Variants in TDP1 observed in about 807,000 individuals in gnomAD.
TDP1 encodes the protein tyr-DNA phosphodiesterase 1.
In TDP1, 64 loss-of-function variants were observed where a neutral mutation model predicts 81.5. The observed-to-expected ratio is 0.79, with a 90% CI of 0.64 to 0.97. The LOEUF is 0.97. Ranked by LOEUF, TDP1 falls within the 50% of genes least tolerant of loss-of-function variation. The pLI is 0.00. For synonymous variants in TDP1, 256 were observed against 264.3 expected (o/e 0.97, Z 0.30); for missense variants, 723 against 743.8 (o/e 0.97, Z 0.33).
chr14:89,956,421 G>A (rs1167622308), intron 1 of TDP1, 157 bp from the exon 2 acceptor site: 1 of 152,356 alleles, frequency 6.6e-6, no homozygotes, highest in Non-Finnish European at 1.5e-5. Flanking sequence ...TTTACACTTG[G>A]TGAGGCGCTT....
intron 15 of TDP1, chr14:90,022,742 GA>G (rs35438550): frequency 3.0e-6 from 3 of 985,108 alleles, no homozygotes; most frequent in Non-Finnish European, 3.6e-6. Flanking sequence ...GAAGCTTCTG[GA>G]AAAAAAGTAG....
intron 2 of TDP1, among the ~76,000 whole-genome samples, chr14:89,961,276 A>T (rs1276060316): frequency 1.3e-5 from 2 of 152,248 alleles, no homozygotes; most frequent in African/African-American, 2.4e-5. Flanking sequence ...GGTCAGAACC[A>T]GTCTGTGGTT....
chr14:90,031,764 T>G (rs558920399), intron 15 of TDP1, among the ~76,000 whole-genome samples: 1 of 152,286 alleles, frequency 6.6e-6, no homozygotes, highest in South Asian at 2.1e-4. Context: ...TTGCGGATGC[T>G]GTTCCCTCCA....
chr14:89,964,358 C>G (rs1413538228), intron 3 of TDP1, among the ~76,000 whole-genome samples: 1 of 152,240 alleles, frequency 6.6e-6, no homozygotes, highest in Admixed American at 6.5e-5. Flanking sequence ...CCTCACCACT[C>G]ATTTGCTGTA....
chr14:89,969,850 G>A (rs1281987949), intron 5 of TDP1, among the ~76,000 whole-genome samples: 2 of 151,332 alleles, frequency 1.3e-5, no homozygotes, highest in Non-Finnish European at 2.9e-5. Flanking sequence ...GTTGTGTTGG[G>A]AGAGCTTGTA....
Position 89,971,224 on chromosome 14 carries a change from C to T in TDP1, c.709C>T (p.His237Tyr), listed in dbSNP as rs780811626. Residue 237 changes from histidine to tyrosine, a missense_variant, in exon 6 of 17, where the codon CAC becomes TAC. By Grantham distance (83) the His-to-Tyr change is moderately conservative. Coordinates refer to ENST00000335725, the MANE Select transcript of TDP1 (RefSeq NM_018319.4). ...VHGDKREAKAHLHAQAKPYEN... is the reference protein window; with the variant it reads ...VHGDKREAKAYLHAQAKPYEN... ...TGGTGATAAGCGAGAGGCTAAGGCT[C>T]ACCTCCATGCCCAGGCCAAGCCTTA... 2.5e-6 allele frequency: 4 copies of T among 1,614,146 alleles called. No homozygotes were observed. The highest frequency in any genetic ancestry group is 1.1e-5 in the South Asian group (1 of 91,082).
At chr14:89,982,896 A>G (rs904356075) in intron 8 of TDP1, among the ~76,000 whole-genome samples, 4 of 152,186 alleles carry the variant, frequency 2.6e-5, no homozygotes, top group Admixed American at 2.6e-4. Flanking sequence ...TAATTGGTCT[A>G]CTGTGGTTCT....
chr14:90,017,150 C>CTG (rs1885409897), intron 14 of TDP1, among the ~76,000 whole-genome samples: 1 of 152,034 alleles, frequency 6.6e-6, no homozygotes, highest in South Asian at 2.1e-4. Context: ...CAAGAGACCC[C>CTG]TGTGGTGTCG....
intron 14 of TDP1, among the ~76,000 whole-genome samples, chr14:89,997,615 C>A (rs1266035309): frequency 1.3e-5 from 2 of 152,092 alleles, no homozygotes; most frequent in Admixed American, 6.5e-5. Flanking sequence ...TTTGCGACTT[C>A]CAGAGGAGAA....
intron 2 of TDP1, among the ~76,000 whole-genome samples, chr14:89,960,573 C>T (rs1456078073): frequency 5.9e-5 from 9 of 152,174 alleles, no homozygotes; most frequent in Non-Finnish European, 1.5e-5. Context: ...TATGAGGGCT[C>T]AAAAGAGCCA....
chr14:90,013,298 C>T (rs994802072), intron 14 of TDP1, among the ~76,000 whole-genome samples: 4 of 152,082 alleles, frequency 2.6e-5, no homozygotes, highest in African/African-American at 9.7e-5. Flanking sequence ...GTGTCCTCAC[C>T]CAAATGTCAT....
intron 14 of TDP1, among the ~76,000 whole-genome samples, chr14:90,017,503 C>G (rs79832900): frequency 0.055 from 8,323 of 152,254 alleles, 379 homozygotes; most frequent in African/African-American, 0.12. Flanking sequence ...ATCTGAAAGG[C>G]TGTCCTTGTG....
Position 90,036,585 on chromosome 14 carries a change from C to T in TDP1, c.1753+3371C>T, listed in dbSNP as rs1042055088. 2.6e-5 allele frequency among the ~76,000 whole-genome samples: 4 copies of T among 152,112 alleles called. No homozygotes were observed. In the East Asian group the frequency reaches 5.8e-4, roughly 22 times the overall value. ...AAAGCAAAAACTAAGACTCAGCTAC[C>T]AGTATACCCTGCTTGGTGCAGTAGT... On this transcript the variant is annotated intron_variant, in intron 16 of 16. Transcript: ENST00000335725.
intron 15 of TDP1, among the ~76,000 whole-genome samples, chr14:90,028,123 C>A (rs557951941): frequency 9.3e-4 from 141 of 152,368 alleles, no homozygotes; most frequent in Non-Finnish European, 1.6e-3. Flanking sequence ...CTCCACAAAG[C>A]TTTTCCTAAG....
At chr14:90,016,492 A>G (rs1885325424) in intron 14 of TDP1, among the ~76,000 whole-genome samples, 1 of 152,186 alleles carries the variant, frequency 6.6e-6, no homozygotes, top group African/African-American at 2.4e-5. Flanking sequence ...TGTCTTCTGC[A>G]AGACATCCAC....
chr14:89,984,452 C>T (rs879350273), intron 8 of TDP1, 64 bp from the exon 9 acceptor site: 132 of 1,606,848 alleles, frequency 8.2e-5, no homozygotes, highest in Non-Finnish European at 1.1e-4. Flanking sequence ...AAGGCATAAT[C>T]GATACAGAGA....
intron 15 of TDP1, among the ~76,000 whole-genome samples, chr14:90,027,095 A>G (rs181999630): frequency 1.5e-4 from 23 of 152,178 alleles, no homozygotes; most frequent in Non-Finnish European, 3.2e-4. Context: ...AAGTGTTCCT[A>G]TTTCCCCACA....
At chr14:90,026,140 G>C (rs1886621205) in intron 15 of TDP1, among the ~76,000 whole-genome samples, 1 of 152,186 alleles carries the variant, frequency 6.6e-6, no homozygotes, top group Non-Finnish European at 1.5e-5. Flanking sequence ...TGTAAACATG[G>C]TGTGTACCAA....
At chr14:89,998,404 ATATATATATATATATATATG>A (rs1365027171) in intron 14 of TDP1, among the ~76,000 whole-genome samples, 7 of 115,560 alleles carry the variant, frequency 6.1e-5, no homozygotes, top group East Asian at 2.2e-4. Flanking sequence ...ATATATATAT[ATATATATATATATATATATG>A]TATGTATGTA....
Sources: allele counts gnomAD v4.1 joint callset (sites outside exome capture counted in the v4.1 genomes callset), GRCh38; gene constraint gnomAD v4.1.1; transcripts MANE v1.5; gene names NCBI Gene and HGNC (gene_info 2026-07-23, HGNC 2026-07-21).